Variants in NAALADL2 observed in about 807,000 individuals in gnomAD.
The protein encoded by NAALADL2 is N-acetylated alpha-linked acidic dipeptidase like 2, also known as inactive N-acetylated-alpha-linked acidic dipeptidase-like protein 2.
NAALADL2 carries 76 observed loss-of-function variants against 87.2 expected under a neutral mutation model. The observed-to-expected ratio is 0.87, with a 90% CI of 0.72 to 1.05. The LOEUF is 1.05. Ranked by LOEUF, NAALADL2 falls within the 50% of genes least tolerant of loss-of-function variation. NAALADL2 has a pLI of 0.00. For synonymous variants in NAALADL2, 354 were observed against 331.0 expected (o/e 1.07, Z -0.75); for missense variants, 1,089 against 945.8 (o/e 1.15, Z -1.99).
At chr3:174,809,795 C>A (rs142725444) in intron 3 of NAALADL2, among the ~76,000 whole-genome samples, 14 of 152,242 alleles carry the variant, frequency 9.2e-5, no homozygotes, top group African/African-American at 3.4e-4. Flanking sequence ...ATTTCATGTT[C>A]ACTTGCAATC....
intron 2 of NAALADL2, among the ~76,000 whole-genome samples, chr3:174,697,994 A>C (rs1405859651): frequency 6.6e-6 from 1 of 152,034 alleles, no homozygotes; most frequent in African/African-American, 2.4e-5. Context: ...AGGAGGCTGA[A>C]CCAGGAGAAT....
At chr3:175,519,904 A>AC (rs1172607056) in intron 9 of NAALADL2, among the ~76,000 whole-genome samples, 2 of 152,198 alleles carry the variant, frequency 1.3e-5, no homozygotes, top group African/African-American at 4.8e-5. Context: ...GCAATTAATG[A>AC]CGTCAAATTT....
At chr3:175,384,127 A>G (rs190097312) in intron 5 of NAALADL2, among the ~76,000 whole-genome samples, 318 of 152,040 alleles carry the variant, frequency 2.1e-3, no homozygotes, top group African/African-American at 3.7e-3. Flanking sequence ...TTATTGCTCT[A>G]TTTCTATATT....
At chr3:175,189,681 T>G (rs975927645) in intron 2 of NAALADL2, among the ~76,000 whole-genome samples, 1 of 152,170 alleles carries the variant, frequency 6.6e-6, no homozygotes, top group Non-Finnish European at 1.5e-5. Flanking sequence ...CCTGTCAAGA[T>G]AAGAATAACA....
At chr3:175,431,793 C>G (rs1717803586) in intron 5 of NAALADL2, among the ~76,000 whole-genome samples, 1 of 152,018 alleles carries the variant, frequency 6.6e-6, no homozygotes, top group African/African-American at 2.4e-5. Flanking sequence ...TATTCTGACT[C>G]TTCTTTCCCT....
At chr3:175,361,637 A>T (rs1328916272) in intron 5 of NAALADL2, among the ~76,000 whole-genome samples, 2 of 147,928 alleles carry the variant, frequency 1.4e-5, no homozygotes, top group Admixed American at 6.9e-5. Flanking sequence ...GCATTTTTTC[A>T]TGTGTCTTTT....
intron 11 of NAALADL2, among the ~76,000 whole-genome samples, chr3:175,711,694 T>C (rs1176402448): frequency 1.3e-5 from 2 of 151,892 alleles, no homozygotes; most frequent in East Asian, 1.9e-4. Context: ...CATTAAACTG[T>C]GTAGTATTTG....
chr3:174,880,381 A>G (rs937465542), intron 1 of NAALADL2, among the ~76,000 whole-genome samples: 4 of 152,128 alleles, frequency 2.6e-5, no homozygotes, highest in South Asian at 4.1e-4. Context: ...AAAAACCGTA[A>G]AATTATACCC....
intron 6 of NAALADL2, among the ~76,000 whole-genome samples, chr3:175,458,042 G>T (rs1560582606): frequency 6.6e-6 from 1 of 151,822 alleles, no homozygotes; most frequent in Non-Finnish European, 1.5e-5. Flanking sequence ...CTTCAGCTGG[G>T]TTCTGTGTCC....
At chr3:174,746,342 A>C (rs1201006910) in intron 3 of NAALADL2, among the ~76,000 whole-genome samples, 1 of 152,164 alleles carries the variant, frequency 6.6e-6, no homozygotes, top group Non-Finnish European at 1.5e-5. Flanking sequence ...TGCTACAAAG[A>C]GAATAAAATA....
chr3:174,609,529 CAGAG>C (rs1245234891), intron 2 of NAALADL2, among the ~76,000 whole-genome samples: 3 of 152,058 alleles, frequency 2.0e-5, no homozygotes, highest in Admixed American at 6.5e-5. Flanking sequence ...AACAGACAAA[CAGAG>C]AGCCAAATCG....
At chr3:175,533,282 G>A (rs1395795023) in intron 9 of NAALADL2, among the ~76,000 whole-genome samples, 1 of 152,180 alleles carries the variant, frequency 6.6e-6, no homozygotes, top group Admixed American at 6.5e-5. Context: ...ATTTTCAAGT[G>A]TAGCACATCT....
At chr3:174,486,486 C>T (rs1443827060) in intron 1 of NAALADL2, among the ~76,000 whole-genome samples, 1 of 151,982 alleles carries the variant, frequency 6.6e-6, no homozygotes, top group Non-Finnish European at 1.5e-5. Context: ...TTAGGTTTTC[C>T]TACTCCACTA....
intron 2 of NAALADL2, among the ~76,000 whole-genome samples, chr3:175,219,499 G>A (rs570501558): frequency 6.6e-6 from 1 of 151,852 alleles, no homozygotes; most frequent in Non-Finnish European, 1.5e-5. Flanking sequence ...AACTTTTATG[G>A]CATCTTTAAT....
chr3:175,653,524 T>C (rs1271798736), intron 11 of NAALADL2, among the ~76,000 whole-genome samples: 5 of 152,208 alleles, frequency 3.3e-5, no homozygotes, highest in African/African-American at 1.2e-4. Context: ...CTATGAGTTT[T>C]TGCGTTTCTC....
At chr3:175,486,415 T>A (rs1405362696) in intron 9 of NAALADL2, among the ~76,000 whole-genome samples, 1 of 152,152 alleles carries the variant, frequency 6.6e-6, no homozygotes, top group Non-Finnish European at 1.5e-5. Flanking sequence ...AGCTCGTCTC[T>A]TAGTGACTCA....
At chr3:175,440,397 A>T (rs556906618) in intron 5 of NAALADL2, among the ~76,000 whole-genome samples, 1 of 151,194 alleles carries the variant, frequency 6.6e-6, no homozygotes, top group African/African-American at 2.4e-5. Context: ...GAATTTTAGA[A>T]TTTTTTTTTC....
At chr3:174,567,841 A>G (rs369768574) in intron 2 of NAALADL2, among the ~76,000 whole-genome samples, 3 of 151,870 alleles carry the variant, frequency 2.0e-5, no homozygotes, top group Admixed American at 6.6e-5. Context: ...AGTTATTATT[A>G]TCATTATTAC....
chr3:174,894,315 G>T (rs1214602640), intron 1 of NAALADL2, among the ~76,000 whole-genome samples: 1 of 152,036 alleles, frequency 6.6e-6, no homozygotes, highest in South Asian at 2.1e-4. Flanking sequence ...ATCAGGCCGG[G>T]CACAATGGCT....
Sources: gnomAD v4.1 joint callset for allele counts (sites outside exome capture counted in the v4.1 genomes callset) on GRCh38, gnomAD v4.1.1 for gene constraint, MANE v1.5 for transcripts, NCBI Gene and HGNC (gene_info 2026-07-23, HGNC 2026-07-21) for gene names.